The following ODAD2 variants were observed in gnomAD, a reference collection of about 807,000 sequenced individuals.
The protein encoded by ODAD2 is outer dynein arm docking complex subunit 2.
In ODAD2, 89 loss-of-function variants were observed where a neutral mutation model predicts 106.8. The ratio of observed to expected loss-of-function variants is 0.83; its 90% CI spans 0.70 to 0.99. The LOEUF (loss-of-function observed/expected upper bound fraction) is 0.99. ODAD2 is among the 50% of genes least tolerant of loss of function. The pLI, the probability that ODAD2 is intolerant of heterozygous loss-of-function variation, is 0.00. For synonymous variants in ODAD2, 404 were observed against 436.2 expected, an observed-to-expected ratio of 0.93 and a Z score of 0.92; for missense variants, 1,168 against 1,238.5, an observed-to-expected ratio of 0.94 and a Z score of 0.85.
At chr10:27,825,192 A>G (rs952404) in intron 19 of ODAD2, among the ~76,000 whole-genome samples, 4,241 of 152,188 alleles carry the variant, frequency 0.028, 318 homozygotes, top group East Asian at 0.22. Context: ...TTCAAAATAA[A>G]CCCAGAATCT....
At chr10:27,994,620 T>C (rs1850440601) in intron 2 of ODAD2, among the ~76,000 whole-genome samples, 1 of 152,122 alleles carries the variant, frequency 6.6e-6, no homozygotes, top group Non-Finnish European at 1.5e-5. Flanking sequence ...AGGCCAGGCA[T>C]AAAGCAGCAA....
intron 16 of ODAD2, among the ~76,000 whole-genome samples, chr10:27,924,012 A>AAGAAAGAAAGAAAG (rs1590035500): frequency 8.8e-6 from 1 of 113,206 alleles, no homozygotes; most frequent in Admixed American, 8.6e-5. Context: ...GAAAGAAAGA[A>AAGAAAGAAAGAAAG]AGAAAGAAAG....
chr10:27,869,826 T>A (rs1840727502), intron 17 of ODAD2, among the ~76,000 whole-genome samples: 1 of 152,088 alleles, frequency 6.6e-6, no homozygotes, highest in African/African-American at 2.4e-5. Context: ...TGAGCCACCA[T>A]GCCTGGCCGA....
chr10:27,925,008 G>C (rs141527849), intron 16 of ODAD2, among the ~76,000 whole-genome samples: 13 of 144,304 alleles, frequency 9.0e-5, no homozygotes, highest in African/African-American at 3.3e-4. Context: ...AAAAAATCCC[G>C]ATTCCTTTTG....
chr10:27,853,228 A>T, intron 19 of ODAD2: 1 of 177,342 alleles, frequency 5.6e-6, no homozygotes, highest in Non-Finnish European at 1.2e-5. Flanking sequence ...TTAGCTGGGC[A>T]TGCTGGCACA....
At chr10:27,964,846 T>A (rs370158080) in intron 9 of ODAD2, among the ~76,000 whole-genome samples, 3 of 152,178 alleles carry the variant, frequency 2.0e-5, no homozygotes, top group Admixed American at 6.6e-5. Context: ...TTTTATACTG[T>A]CTCCCCTAGC....
chr10:27,938,801 T>C (rs1045788576), intron 14 of ODAD2, among the ~76,000 whole-genome samples: 2 of 151,742 alleles, frequency 1.3e-5, no homozygotes. Context: ...GGTTGCACCA[T>C]GTTGGCCAGG....
chr10:27,924,006 GAAA>G (rs1564509197), intron 16 of ODAD2, among the ~76,000 whole-genome samples: 175 of 130,556 alleles, frequency 1.3e-3, no homozygotes, highest in Non-Finnish European at 2.1e-3. Context: ...AAGAAAGAAA[GAAA>G]GAAAGAAAGA....
chr10:27,995,242 A>T lies in ODAD2; in HGVS notation c.-38-62T>A, dbSNP rs112387674. ...CCACCTTTTCCTTGGAACATTTTTCATTCTCAAGACTTTAAACTAGTACTC... is the reference window on the plus strand; with the variant it reads ...CCACCTTTTCCTTGGAACATTTTTCTTTCTCAAGACTTTAAACTAGTACTC... On this transcript the variant is annotated intron_variant, in intron 1 of 19. Coordinates refer to ENST00000305242, the MANE Select transcript of ODAD2 (RefSeq NM_018076.5). 16 of 1,492,762 alleles carry T rather than the reference A, an allele frequency of 1.1e-5. No homozygotes were observed. The African/African-American group carries it at 1.4e-4, about 13-fold the overall frequency. The allele number at this position is 1,492,762 out of a possible 1,614,324, so 92.5% of individuals were successfully genotyped here.
intron 10 of ODAD2, among the ~76,000 whole-genome samples, chr10:27,956,135 C>A (rs935034418): frequency 2.0e-5 from 3 of 152,134 alleles, no homozygotes; most frequent in Non-Finnish European, 4.4e-5. Context: ...CCTCACCAAC[C>A]CATCATGGGT....
Position 27,832,887 on chromosome 10 carries a change from C to T in ODAD2, c.3022-20262G>A, listed in dbSNP as rs149380558. On this transcript the variant is annotated intron_variant, in intron 19 of 19. Coordinates refer to ENST00000305242, the MANE Select transcript of ODAD2 (RefSeq NM_018076.5). ...CTAAGCAGCTACTGAGAAAATTATC[C>T]GACTTATCATGAAAAGAATAAGTAA... 4.6e-3 allele frequency among the ~76,000 whole-genome samples: 699 copies of T among 152,068 alleles called. 3 individuals are homozygous for T. The highest frequency in any genetic ancestry group is 0.016 in the African/African-American group (643 of 41,470).
At chr10:27,925,513 A>G (rs977491748) in intron 16 of ODAD2, among the ~76,000 whole-genome samples, 5 of 152,140 alleles carry the variant, frequency 3.3e-5, no homozygotes, top group African/African-American at 1.2e-4. Flanking sequence ...GCACACTACC[A>G]TGCTCAACTA....
At position 27,872,391 on chromosome 10, in the gene ODAD2, T is replaced by C. The variant is rs1171551946; in HGVS notation, c.2611-9769A>G. Among the ~76,000 whole-genome samples, 8 of 151,960 alleles carry C rather than the reference T, an allele frequency of 5.3e-5. No homozygotes were observed. In the East Asian group the frequency reaches 1.2e-3, roughly 22 times the overall value. On this transcript the variant is annotated intron_variant, in intron 17 of 19. Transcript: ENST00000305242. ...GCCCTGGCCAGAACTTCCAACACTA[T>C]GTTGAATAGCAGGGGTGAGAGAGGG... is the stretch of plus-strand genomic sequence containing the variant.
chr10:27,986,175 G>A (rs763176131), intron 3 of ODAD2, among the ~76,000 whole-genome samples: 7 of 152,112 alleles, frequency 4.6e-5, no homozygotes, highest in Non-Finnish European at 7.4e-5. Flanking sequence ...AGGAGACAAA[G>A]GAATCAACCA....
rs137866505 is a variant in ODAD2 at position 27,819,724 on chromosome 10, G to A, written c.3022-7099C>T. Among the ~76,000 whole-genome samples, 736 of 151,572 alleles carry A rather than the reference G, an allele frequency of 4.9e-3. 5 individuals are homozygous for A. Among genetic ancestry groups the A allele is most frequent in the African/African-American group, 0.017 (698 of 41,304 alleles). On this transcript the variant is annotated intron_variant, in intron 19 of 19. Transcript: ENST00000305242. ...CAAGGCTGCAGTGAGCTATGATTGC[G>A]CCATTGCTGTGACCTCAAAACCCAT...
intron 7 of ODAD2, among the ~76,000 whole-genome samples, chr10:27,978,348 A>G (rs975222786): frequency 1.3e-5 from 2 of 152,252 alleles, no homozygotes; most frequent in Non-Finnish European, 2.9e-5. Context: ...AGCCTTTGAA[A>G]TGCTAACTAA....
At chr10:27,876,012 T>C (rs1166251949) in intron 17 of ODAD2, among the ~76,000 whole-genome samples, 1 of 152,172 alleles carries the variant, frequency 6.6e-6, no homozygotes, top group African/African-American at 2.4e-5. Flanking sequence ...GCACCCGCCA[T>C]TGCTGAGGCT....
chr10:27,911,694 C>G (rs1054418702), intron 16 of ODAD2, among the ~76,000 whole-genome samples: 1 of 152,150 alleles, frequency 6.6e-6, no homozygotes, highest in African/African-American at 2.4e-5. Flanking sequence ...AAACCTCTTT[C>G]GCAAATTCTC....
chr10:27,977,779 A>G lies in ODAD2; in HGVS notation c.936+3687T>C, dbSNP rs574290447. 3.3e-5 allele frequency among the ~76,000 whole-genome samples: 5 copies of G among 152,354 alleles called. No individual in the cohort carries two copies. In the South Asian group the frequency reaches 1.0e-3, roughly 32 times the overall value. ...ACATAGGATATGTGAATGGCCAATAAGCACATGAAAAGATGCATTCAAGAA... is the reference window on the plus strand; with the variant it reads ...ACATAGGATATGTGAATGGCCAATAGGCACATGAAAAGATGCATTCAAGAA... On this transcript the variant is annotated intron_variant, in intron 7 of 19. Coordinates refer to ENST00000305242, the MANE Select transcript of ODAD2 (RefSeq NM_018076.5).
Sources: gnomAD v4.1 joint callset for allele counts (sites outside exome capture counted in the v4.1 genomes callset) on GRCh38, gnomAD v4.1.1 for gene constraint, MANE v1.5 for transcripts, NCBI Gene and HGNC (gene_info 2026-07-23, HGNC 2026-07-21) for gene names.